The following FCN1 variants were observed in gnomAD, a reference collection of about 807,000 sequenced individuals.
FCN1 encodes ficolin-1.
A neutral mutation model predicts 35.6 loss-of-function variants in FCN1; 42 were observed. The observed-to-expected ratio is 1.18, with a 90% CI of 0.92 to 1.53. The LOEUF (loss-of-function observed/expected upper bound fraction) is 1.53, where lower values mean the gene tolerates loss of function less well. Ranked by LOEUF, FCN1 falls within the 40% of genes most tolerant of loss-of-function variation. The pLI is 0.00. For missense variants in FCN1, 439 were observed against 428.4 expected, an observed-to-expected ratio of 1.02 and a Z score of -0.22; for synonymous variants, 179 against 169.8, an observed-to-expected ratio of 1.05 and a Z score of -0.42.
At chr9:134,913,516 G>T (rs55862654) in intron 5 of FCN1, 65 bp downstream of exon 5, 2 of 1,320,612 alleles carry the variant, frequency 1.5e-6, no homozygotes, top group Admixed American at 4.0e-5. Context: ...TAGCGTGAAC[G>T]TGTGCAGCTG....
At chr9:134,910,863 C>T (rs1401845620) in intron 8 of FCN1, among the ~76,000 whole-genome samples, 2 of 152,226 alleles carry the variant, frequency 1.3e-5, no homozygotes, top group Admixed American at 6.5e-5. Context: ...GAGAAAAGGA[C>T]GACGTCTTCC....
chr9:134,911,305 T>G, intron 7 of FCN1, 38 bp from the exon 8 acceptor site: 1 of 1,606,862 alleles, frequency 6.2e-7, no homozygotes, highest in South Asian at 1.1e-5. Context: ...GCCTTTAAGA[T>G]CTTTCTGTCA....
chr9:134,905,690 T>A lies in FCN1; in HGVS notation c.*4108A>T, dbSNP rs533864332. On this transcript the variant is annotated 3_prime_UTR_variant, in exon 9 of 9. Coordinates refer to ENST00000371806, the MANE Select transcript of FCN1 (RefSeq NM_002003.5). ...TAGTAGAGACGGGGTTTCATCATGT[T>A]AGCCAGGATGGTCTTGATCTCCTGA... Among the ~76,000 whole-genome samples the A allele has an allele frequency of 6.6e-6, 1 of 151,798 alleles. No homozygotes were observed. Among genetic ancestry groups the A allele is most frequent in the South Asian group, 2.1e-4 (1 of 4,790 alleles).
rs1022569355 is a variant in FCN1, at chr9:134,905,010, G to A, written c.*4788C>T. Among the ~76,000 whole-genome samples, 1 of 152,106 alleles carries A rather than the reference G, an allele frequency of 6.6e-6. No individual in the cohort carries two copies. Among genetic ancestry groups the A allele is most frequent in the South Asian group, 2.1e-4 (1 of 4,828 alleles). On this transcript the variant is annotated 3_prime_UTR_variant, in exon 9 of 9. Transcript: ENST00000371806. The stretch of plus-strand genomic sequence containing the variant: ...CATGGCGGCAAGAATGGCATAAAAA[G>A]CAGAAGGGAGTGAATGTAGTTAGAG...
intron 7 of FCN1, among the ~76,000 whole-genome samples, chr9:134,911,656 A>G (rs1349575457): frequency 6.6e-6 from 1 of 151,888 alleles, no homozygotes; most frequent in Admixed American, 6.6e-5. Flanking sequence ...CCGGCTGGGG[A>G]TGGATATATT....
intron 7 of FCN1, 37 bp from the exon 8 acceptor site, chr9:134,911,304 A>G (rs1172424964): frequency 1.3e-6 from 2 of 1,599,954 alleles, no homozygotes; most frequent in African/African-American, 1.3e-5. Context: ...AGCCTTTAAG[A>G]TCTTTCTGTC....
rs1461356481 is a variant in FCN1, at chr9:134,908,931, G to A, written c.*867C>T. 5 of 260,234 alleles carry A rather than the reference G, an allele frequency of 1.9e-5. No individual in the cohort carries two copies. The highest frequency in any genetic ancestry group is 3.8e-5 in the Non-Finnish European group (5 of 131,526). 16.1% of individuals were successfully genotyped at this position (260,234 alleles called of 1,614,324 possible). Reference sequence around the variant, plus strand: ...TCCTTTGGTTCCCTTAGTGTCCTTCGGTAAGTGGGAGCTCTTGATTTGAAT... The same window carrying A: ...TCCTTTGGTTCCCTTAGTGTCCTTCAGTAAGTGGGAGCTCTTGATTTGAAT... On this transcript the variant is annotated 3_prime_UTR_variant, in exon 9 of 9. Coordinates refer to ENST00000371806, the MANE Select transcript of FCN1 (RefSeq NM_002003.5).
At chr9:134,913,196 G>C in intron 5 of FCN1, 53 bp from the exon 6 acceptor site, 1 of 1,607,856 alleles carries the variant, frequency 6.2e-7, no homozygotes. Context: ...GGGCAGGACA[G>C]GGGCAGTGGG....
At position 134,906,557 on chromosome 9, in the gene FCN1, A is replaced by G. The variant is rs1830959746; in HGVS notation, c.*3241T>C. On this transcript the variant is annotated 3_prime_UTR_variant, in exon 9 of 9. Coordinates refer to ENST00000371806, the MANE Select transcript of FCN1 (RefSeq NM_002003.5). ...AATAATTTAACTTAAATCTTAAGAA[A>G]TCTAATAATTTAACTTAGAAATGCA... is the stretch of plus-strand genomic sequence containing the variant. 1 of 152,224 alleles carries G rather than the reference A, an allele frequency of 6.6e-6. No homozygotes were observed. The highest frequency in any genetic ancestry group is 1.9e-4 in the East Asian group (1 of 5,204). The allele number at this position is 152,224 out of a possible 1,614,324, so 9.4% of individuals were successfully genotyped here.
At chr9:134,916,806 G>C (rs1831098046) in intron 1 of FCN1, among the ~76,000 whole-genome samples, 1 of 152,230 alleles carries the variant, frequency 6.6e-6, no homozygotes, top group Admixed American at 6.5e-5. Flanking sequence ...TTAATAAACA[G>C]CGGGCACTTT....
At chr9:134,912,415 A>G in intron 7 of FCN1, 71 bp downstream of exon 7, 1 of 1,484,476 alleles carries the variant, frequency 6.7e-7, no homozygotes, top group Non-Finnish European at 9.1e-7. Flanking sequence ...CTTATGTTGC[A>G]GATGGCCCAG....
Position 134,914,414 on chromosome 9 carries a change from C to T in FCN1, c.278G>A (p.Arg93Gln), listed in dbSNP as rs56345770. Reference protein sequence around the residue: ...KAGPVGPKGDRGEKGMRGEKG... With the variant: ...KAGPVGPKGDQGEKGMRGEKG... ...CTCTCCACGCATCCCCTTCTCTCCT[C>T]GGTCTCCTGGAGGAAGAGGCAGGAT... The change falls in exon 4 of 9, where the codon CGA (arginine) becomes CAA (glutamine). Residue 93 changes from arginine to glutamine, a missense_variant. By Grantham distance (43) the Arg-to-Gln change is conservative (BLOSUM62 1). Transcript: ENST00000371806. 7,716 of 1,613,976 alleles carry T rather than the reference C, an allele frequency of 4.8e-3. 317 individuals carry two copies. In the African/African-American group the frequency reaches 0.088, roughly 18 times the overall value.
At position 134,904,204 on chromosome 9, in the gene FCN1, C is replaced by T. The variant is rs1276747243; in HGVS notation, c.*5594G>A. Among the ~76,000 whole-genome samples the T allele has an allele frequency of 6.6e-6, 1 of 152,084 alleles. No individual in the cohort carries two copies. Among genetic ancestry groups the T allele is most frequent in the Non-Finnish European group, 1.5e-5 (1 of 68,024 alleles). On this transcript the variant is annotated 3_prime_UTR_variant, in exon 9 of 9. Coordinates refer to ENST00000371806, the MANE Select transcript of FCN1 (RefSeq NM_002003.5). ...ATTCAGAGAAAGTCTCATCCAGGCA[C>T]CTTGTAGTAAAACTATCAAGGCAAA... is the stretch of plus-strand genomic sequence containing the variant.
At chr9:134,910,331 G>GAAT (rs1314130521) in intron 8 of FCN1, among the ~76,000 whole-genome samples, 1 of 152,072 alleles carries the variant, frequency 6.6e-6, no homozygotes, top group Non-Finnish European at 1.5e-5. Flanking sequence ...CTCTCTCCTG[G>GAAT]AATGACCTCC....
At chr9:134,911,953 T>C (rs1476608846) in intron 7 of FCN1, among the ~76,000 whole-genome samples, 8 of 152,340 alleles carry the variant, frequency 5.3e-5, no homozygotes, top group Non-Finnish European at 1.2e-4. Flanking sequence ...CTGAGTGGAT[T>C]CCTTCAATCA....
At position 134,909,124 on chromosome 9, in the gene FCN1, GA is replaced by G. The variant is rs1360548467; in HGVS notation, c.*673del. 1 of 1,058,342 alleles carries G rather than the reference GA, an allele frequency of 9.4e-7. No homozygotes were observed. The highest frequency in any genetic ancestry group is 1.3e-6 in the Non-Finnish European group (1 of 799,148). 65.6% of individuals were successfully genotyped at this position (1,058,342 alleles called of 1,614,324 possible). A position where few individuals can be genotyped will look rare whatever the true frequency, so the allele number is the denominator to read the frequency against. ...TCTAGCTGAGGTCTGTGTGTGGGAGGAAGGCCTCTTCGGAATCTTCTCTGTG... is the reference window on the plus strand; with the variant it reads ...TCTAGCTGAGGTCTGTGTGTGGGAGGAGGCCTCTTCGGAATCTTCTCTGTG... On this transcript the variant is annotated 3_prime_UTR_variant, in exon 9 of 9. Transcript: ENST00000371806.
At position 134,905,259 on chromosome 9, in the gene FCN1, A is replaced by T. The variant is rs1310244114; in HGVS notation, c.*4539T>A. Among the ~76,000 whole-genome samples the T allele has an allele frequency of 6.6e-6, 1 of 152,236 alleles. No individual in the cohort carries two copies. The highest frequency in any genetic ancestry group is 1.9e-4 in the East Asian group (1 of 5,194). On this transcript the variant is annotated 3_prime_UTR_variant, in exon 9 of 9. Transcript: ENST00000371806. ...AAAGAACAGAAACAACACTATGTGG[A>T]TGTCCACGAATGCCCAAATGTTGCT...
At position 134,912,480 on chromosome 9, in the gene FCN1, C is replaced by T; in HGVS notation, c.598+6G>A. 6.2e-7 allele frequency: 1 copy of T among 1,613,390 alleles called. No homozygotes were observed. The highest frequency in any genetic ancestry group is 8.5e-7 in the Non-Finnish European group (1 of 1,179,626). ...CCCAACCCCTGAGCCACGGCAGTGG[C>T]CCTACCCTGGGCAGTCAGGGCGTGG... is the stretch of plus-strand genomic sequence containing the variant. On this transcript the variant is annotated splice_donor_region_variant and intron_variant, in intron 7 of 8. Coordinates refer to ENST00000371806, the MANE Select transcript of FCN1 (RefSeq NM_002003.5).
Position 134,908,883 on chromosome 9 carries a change from C to T in FCN1, c.*915G>A, listed in dbSNP as rs1037974226. On this transcript the variant is annotated 3_prime_UTR_variant, in exon 9 of 9. Transcript: ENST00000371806. ...GAAAACTAAAGATTTGTGTGCCGCACGTTGATTCTGCCCCTCTGGCCTTCC... is the reference window on the plus strand; with the variant it reads ...GAAAACTAAAGATTTGTGTGCCGCATGTTGATTCTGCCCCTCTGGCCTTCC... The T allele has an allele frequency of 4.5e-5, 10 of 223,572 alleles. No individual in the cohort carries two copies. The highest frequency in any genetic ancestry group is 1.1e-4 in the Admixed American group (2 of 18,960). 13.8% of individuals were successfully genotyped at this position (223,572 alleles called of 1,614,324 possible). A position where few individuals can be genotyped will look rare whatever the true frequency, so the allele number is the denominator to read the frequency against.
Sources: gnomAD v4.1 joint callset for allele counts (sites outside exome capture counted in the v4.1 genomes callset) on GRCh38, gnomAD v4.1.1 for gene constraint, MANE v1.5 for transcripts, NCBI Gene and HGNC (gene_info 2026-07-23, HGNC 2026-07-21) for gene names.